STEAP1B: variants seen among roughly 807,000 people sequenced by gnomAD.
STEAP1B encodes STEAP family protein MGC87042.
In STEAP1B, 13 loss-of-function variants were observed where a neutral mutation model predicts 27.9. The ratio of observed to expected loss-of-function variants is 0.47; its 90% CI spans 0.30 to 0.74. The LOEUF (loss-of-function observed/expected upper bound fraction) is 0.74, where lower values mean the gene tolerates loss of function less well. Ranked by LOEUF, STEAP1B falls within the 30% of genes least tolerant of loss-of-function variation. The pLI is 0.06. For synonymous variants in STEAP1B, 86 were observed against 107.1 expected (o/e 0.80, Z 1.22); for missense variants, 250 against 298.7 (o/e 0.84, Z 1.20).
At chr7:22,474,436 C>T (rs1401768114) in intron 4 of STEAP1B, among the ~76,000 whole-genome samples, 4 of 152,210 alleles carry the variant, frequency 2.6e-5, no homozygotes, top group Non-Finnish European at 4.4e-5. Flanking sequence ...TATTTGGAAT[C>T]TAAAGCCCCC....
At chr7:22,431,122 T>C (rs1194719503) in intron 4 of STEAP1B, among the ~76,000 whole-genome samples, 1 of 152,226 alleles carries the variant, frequency 6.6e-6, no homozygotes, top group Non-Finnish European at 1.5e-5. Context: ...GAACTCAAAT[T>C]GACCTACATA....
At chr7:22,427,691 T>G (rs556500263) in intron 4 of STEAP1B, among the ~76,000 whole-genome samples, 1 of 152,166 alleles carries the variant, frequency 6.6e-6, no homozygotes, top group Non-Finnish European at 1.5e-5. Flanking sequence ...TGGAAATTAA[T>G]GTAAGCAAGT....
At chr7:22,457,792 GTGCAAAGTCAAC>G (rs1785611536) in intron 4 of STEAP1B, among the ~76,000 whole-genome samples, 1 of 152,218 alleles carries the variant, frequency 6.6e-6, no homozygotes, top group Admixed American at 6.5e-5. Context: ...CAGATAGAAA[GTGCAAAGTCAAC>G]TGCAAGGTCC....
At position 22,419,662 on chromosome 7, in the gene STEAP1B, GT is replaced by G. The variant is rs1412847437; in HGVS notation, c.*141del. 1 of 928,650 alleles carries G rather than the reference GT, an allele frequency of 1.1e-6. No individual in the cohort carries two copies. Among genetic ancestry groups the G allele is most frequent in the Non-Finnish European group, 1.5e-6 (1 of 649,832 alleles). 57.5% of individuals were successfully genotyped at this position (928,650 alleles called of 1,614,324 possible). On this transcript the variant is annotated 3_prime_UTR_variant, in exon 5 of 5. Transcript: ENST00000678116. Reference sequence around the variant, plus strand: ...CACTCATCTGCCCTGCCGGATCCATGTTGACAGAGCAGCCGTCACCTGCAGC... The same window carrying G: ...CACTCATCTGCCCTGCCGGATCCATGTGACAGAGCAGCCGTCACCTGCAGC...
At chr7:22,466,319 C>G (rs1227031916) in intron 4 of STEAP1B, among the ~76,000 whole-genome samples, 1 of 152,056 alleles carries the variant, frequency 6.6e-6, no homozygotes, top group Non-Finnish European at 1.5e-5. Context: ...TATTTCATCA[C>G]CCAGGTAATG....
intron 2 of STEAP1B, 25 bp downstream of exon 2, chr7:22,494,747 A>G (rs572282369): frequency 2.2e-6 from 3 of 1,359,722 alleles, no homozygotes; most frequent in Non-Finnish European, 2.0e-6. Flanking sequence ...ATTATTATTT[A>G]TTATTGTCAT....
chr7:22,449,041 G>A (rs926208134), intron 4 of STEAP1B, among the ~76,000 whole-genome samples: 5 of 152,102 alleles, frequency 3.3e-5, no homozygotes, highest in Admixed American at 2.0e-4. Flanking sequence ...TGTATTTATG[G>A]AGTACATGAG....
chr7:22,481,577 A>T (rs1786074488), intron 4 of STEAP1B, among the ~76,000 whole-genome samples: 1 of 152,236 alleles, frequency 6.6e-6, no homozygotes, highest in Non-Finnish European at 1.5e-5. Context: ...TATTTTAACA[A>T]GATCCCTGCG....
intron 4 of STEAP1B, among the ~76,000 whole-genome samples, chr7:22,464,945 C>T (rs1455404511): frequency 6.8e-4 from 2 of 2,948 alleles, no homozygotes; most frequent in East Asian, 0.083. Flanking sequence ...CAGTACCAAA[C>T]CCCATATATA....
intron 4 of STEAP1B, among the ~76,000 whole-genome samples, chr7:22,479,943 T>C (rs993527958): frequency 2.0e-5 from 3 of 152,048 alleles, no homozygotes; most frequent in Non-Finnish European, 4.4e-5. Flanking sequence ...ATAAAATGAT[T>C]AGAATTAAAA....
At chr7:22,443,014 G>A (rs1394707624) in intron 4 of STEAP1B, among the ~76,000 whole-genome samples, 1 of 152,204 alleles carries the variant, frequency 6.6e-6, no homozygotes, top group African/African-American at 2.4e-5. Context: ...GGGACAGCCA[G>A]TGTGCTTCAG....
At chr7:22,484,413 A>G (rs1786138905) in intron 4 of STEAP1B, among the ~76,000 whole-genome samples, 1 of 152,222 alleles carries the variant, frequency 6.6e-6, no homozygotes, top group African/African-American at 2.4e-5. Flanking sequence ...CCTGGATGAC[A>G]ACACATCTGT....
intron 4 of STEAP1B, among the ~76,000 whole-genome samples, chr7:22,464,965 G>A (rs369403589): frequency 0.098 from 895 of 9,160 alleles, 3 homozygotes; most frequent in Non-Finnish European, 0.18. Context: ...ATATATATAT[G>A]TAGGCACAAT....
chr7:22,469,497 A>G (rs1583646591), intron 4 of STEAP1B, among the ~76,000 whole-genome samples: 1 of 152,270 alleles, frequency 6.6e-6, no homozygotes, highest in South Asian at 2.1e-4. Flanking sequence ...TCACTAACTC[A>G]CCCAGAGCAG....
At chr7:22,448,779 A>G (rs998200520) in intron 4 of STEAP1B, among the ~76,000 whole-genome samples, 1 of 152,190 alleles carries the variant, frequency 6.6e-6, no homozygotes, top group Non-Finnish European at 1.5e-5. Flanking sequence ...TACATGTGGA[A>G]GTCTGGGATA....
Position 22,487,683 on chromosome 7 carries a change from A to G in STEAP1B, c.762+4882T>C, listed in dbSNP as rs146046486. Reference sequence around the variant, plus strand: ...GCCAGGCATGGTGATGCATGCCTGTAATCCCAGGCACTCTGGAGGCTGAGG... The same window carrying G: ...GCCAGGCATGGTGATGCATGCCTGTGATCCCAGGCACTCTGGAGGCTGAGG... On this transcript the variant is annotated intron_variant, in intron 4 of 4. Coordinates refer to ENST00000678116, the MANE Select transcript of STEAP1B (RefSeq NM_001382447.1). Among the ~76,000 whole-genome samples the G allele has an allele frequency of 3.3e-5, 5 of 151,856 alleles. No homozygotes were observed. The East Asian group carries it at 9.7e-4, about 29-fold the overall frequency.
chr7:22,455,156 C>T (rs1166028171), intron 4 of STEAP1B, among the ~76,000 whole-genome samples: 1 of 152,096 alleles, frequency 6.6e-6, no homozygotes, highest in Non-Finnish European at 1.5e-5. Flanking sequence ...AGCCACCGTG[C>T]CCAGCCTTAA....
chr7:22,436,242 A>C (rs1045736632), intron 4 of STEAP1B, among the ~76,000 whole-genome samples: 8 of 152,208 alleles, frequency 5.3e-5, no homozygotes, highest in African/African-American at 1.9e-4. Context: ...TGACATACAA[A>C]AAGCTGTACA....
chr7:22,497,462 T>C (rs2128419479), intron 1 of STEAP1B, among the ~76,000 whole-genome samples: 1 of 152,292 alleles, frequency 6.6e-6, no homozygotes, highest in Non-Finnish European at 1.5e-5. Flanking sequence ...AGTCAACACA[T>C]TCCCTTTTTT....
Sources: allele counts gnomAD v4.1 joint callset (sites outside exome capture counted in the v4.1 genomes callset), GRCh38; gene constraint gnomAD v4.1.1; transcripts MANE v1.5; gene names NCBI Gene and HGNC (gene_info 2026-07-23, HGNC 2026-07-21).